The following CCNC variants were observed in gnomAD, a reference collection of about 807,000 sequenced individuals.
The protein encoded by CCNC is cyclin-C.
A neutral mutation model predicts 50.0 loss-of-function variants in CCNC; 19 were observed. The observed-to-expected ratio is 0.38, with a 90% CI of 0.27 to 0.56. CCNC has a LOEUF of 0.56. Ranked by LOEUF, CCNC falls within the 20% of genes least tolerant of loss-of-function variation. The probability of loss-of-function intolerance (pLI) is 0.72; values close to 1 mark genes in which losing one functional copy is unlikely to be tolerated. For synonymous variants in CCNC, 93 were observed against 103.7 expected, an observed-to-expected ratio of 0.90 and a Z score of 0.63; for missense variants, 200 against 327.1, an observed-to-expected ratio of 0.61 and a Z score of 3.00.
At chr6:99,560,837 G>C (rs766366732) in intron 4 of CCNC, among the ~76,000 whole-genome samples, 3 of 152,144 alleles carry the variant, frequency 2.0e-5, no homozygotes, top group Non-Finnish European at 4.4e-5. Flanking sequence ...TTCTGGCTTG[G>C]TAGGCAGCCA....
Position 99,545,198 on chromosome 6 carries a change from T to G in CCNC, c.711A>C (p.Leu237=), listed in dbSNP as rs569591961. The G allele has an allele frequency of 5.4e-5, 86 of 1,603,448 alleles. 1 individual carries two copies. In the South Asian group the frequency reaches 8.7e-4, roughly 16 times the overall value. The change falls in exon 11 of 12, where the codon CTA becomes CTC. Residue 237 remains leucine (L), a synonymous_variant. Coordinates refer to ENST00000520429, the MANE Select transcript of CCNC (RefSeq NM_005190.4). ...CATCGAAATTCTTCCACTGCTCATA[T>G]AGTTTTAAAATAACCCTGATTATTT... The part of the protein sequence containing the change: ...ILEIIRVILK[L]YEQWKNFDER...
chr6:99,552,863 G>A (rs1802358812), intron 5 of CCNC, among the ~76,000 whole-genome samples: 2 of 152,100 alleles, frequency 1.3e-5, no homozygotes, highest in Non-Finnish European at 2.9e-5. Context: ...ACAACATGGT[G>A]AAACCCCATC....
intron 5 of CCNC, among the ~76,000 whole-genome samples, chr6:99,556,429 C>G (rs2114344029): frequency 6.6e-6 from 1 of 152,288 alleles, no homozygotes; most frequent in East Asian, 1.9e-4. Context: ...CAAAATTTGT[C>G]TAATTCTACC....
chr6:99,567,959 A>G (rs764237693), intron 1 of CCNC: 19 of 153,650 alleles, frequency 1.2e-4, no homozygotes, highest in Non-Finnish European at 2.8e-4. Context: ...TTATCAATAT[A>G]AAACTCCATC....
Position 99,556,836 on chromosome 6 carries a change from G to A in CCNC, c.346+1661C>T, listed in dbSNP as rs947562131. On this transcript the variant is annotated intron_variant, in intron 5 of 11. Coordinates refer to ENST00000520429, the MANE Select transcript of CCNC (RefSeq NM_005190.4). The stretch of plus-strand genomic sequence containing the variant: ...CCAGGGAGGATGAGGCAGGAGAATC[G>A]CTTGAACCTGGGAGGCAGAGGTTGC... 1.2e-4 allele frequency among the ~76,000 whole-genome samples: 18 copies of A among 152,266 alleles called. No homozygotes were observed. The South Asian group carries it at 3.3e-3, about 28-fold the overall frequency.
Position 99,545,100 on chromosome 6 carries a change from T to C in CCNC, c.797+12A>G. 2 of 1,262,964 alleles carry C rather than the reference T, an allele frequency of 1.6e-6. No individual in the cohort carries two copies. Among genetic ancestry groups the C allele is most frequent in the South Asian group, 2.4e-5 (2 of 82,672 alleles). 78.2% of individuals were successfully genotyped at this position (1,262,964 alleles called of 1,614,324 possible). A position where few individuals can be genotyped will look rare whatever the true frequency, so the allele number is the denominator to read the frequency against. ...GATTAAATGACATCAATAATTAAAGTCTACAAAGTACCTGTTTGGAGGTGG... is the reference window on the plus strand; with the variant it reads ...GATTAAATGACATCAATAATTAAAGCCTACAAAGTACCTGTTTGGAGGTGG... On this transcript the variant is annotated intron_variant, in intron 11 of 11. Transcript: ENST00000520429.
chr6:99,557,444 T>A (rs916148363), intron 5 of CCNC: 1 of 152,164 alleles, frequency 6.6e-6, no homozygotes, highest in Non-Finnish European at 1.5e-5. Flanking sequence ...ATTCGTATGT[T>A]GAAGCCCTAA....
In CCNC at chr6:99,549,661, A is replaced by G. The variant is rs1032632645; in HGVS notation, c.531-86T>C. 9 of 811,188 alleles carry G rather than the reference A, an allele frequency of 1.1e-5. No individual in the cohort carries two copies. The African/African-American group carries it at 1.5e-4, about 14-fold the overall frequency. The allele number at this position is 811,188 out of a possible 1,614,324, so 50.2% of individuals were successfully genotyped here. On this transcript the variant is annotated intron_variant, in intron 8 of 11. Transcript: ENST00000520429. ...TCCTCCAGAGAGGGCCAGATTTCCC[A>G]TCTTTGCACACATTTATTTCCTTTT...
intron 5 of CCNC, among the ~76,000 whole-genome samples, chr6:99,552,492 A>G (rs1802342238): frequency 6.6e-6 from 1 of 152,170 alleles, no homozygotes; most frequent in South Asian, 2.1e-4. Flanking sequence ...AGTAACACAT[A>G]AAGTTAGTAC....
rs1339407568 is a variant in CCNC at position 99,549,305 on chromosome 6, A to C, written c.598+203T>G. 6 of 624,606 alleles carry C rather than the reference A, an allele frequency of 9.6e-6. No homozygotes were observed. In the East Asian group the frequency reaches 1.7e-4, roughly 18 times the overall value. The allele number at this position is 624,606 out of a possible 1,614,324, so 38.7% of individuals were successfully genotyped here. A position where few individuals can be genotyped will look rare whatever the true frequency, so the allele number is the denominator to read the frequency against. On this transcript the variant is annotated intron_variant, in intron 9 of 11. Transcript: ENST00000520429. ...AATGGTTTCAAAAAAAAAAAAAAAA[A>C]ACTTACCAAAAAGGGGGTGGGGGAA...
At chr6:99,546,570 A>C in intron 9 of CCNC, 96 bp from the exon 10 acceptor site, 1 of 786,050 alleles carries the variant, frequency 1.3e-6, no homozygotes, top group Admixed American at 2.1e-5. Flanking sequence ...TGTATTTTCC[A>C]ACACTCTTTA....
At chr6:99,562,692 G>T in intron 2 of CCNC, 150 bp downstream of exon 2, 1 of 553,814 alleles carries the variant, frequency 1.8e-6, no homozygotes, top group East Asian at 3.1e-5. Context: ...TCACTAAAAA[G>T]AAAGATAAAT....
At chr6:99,548,802 CAAAAAAA>C (rs71021744) in intron 9 of CCNC, among the ~76,000 whole-genome samples, 1 of 106,558 alleles carries the variant, frequency 9.4e-6, no homozygotes, top group Non-Finnish European at 1.9e-5. Flanking sequence ...GACTCCATCT[CAAAAAAA>C]AAAAAAAAAA....
In CCNC at chr6:99,550,256, C is replaced by T; in HGVS notation, c.492G>A (p.Gln164=). 2 of 1,613,198 alleles carry T rather than the reference C, an allele frequency of 1.2e-6. No individual in the cohort carries two copies. Among genetic ancestry groups the T allele is most frequent in the Non-Finnish European group, 1.7e-6 (2 of 1,179,498 alleles). ...GCAACATGTCTTCTTGGCCCATGTC[C>T]TGCACATACTGGAGCAAAGGTCTAT... ...HPYRPLLQYV[Q]DMGQEDMLLP... The change falls in exon 8 of 12, where the codon CAG becomes CAA. Residue 164 remains glutamine, a synonymous_variant. Coordinates refer to ENST00000520429, the MANE Select transcript of CCNC (RefSeq NM_005190.4).
intron 11 of CCNC, chr6:99,544,402 A>T: frequency 1.3e-6 from 1 of 753,208 alleles, no homozygotes; most frequent in Non-Finnish European, 2.0e-6. Context: ...ATCTTGTTAT[A>T]TAACAATCAT....
Position 99,549,064 on chromosome 6 carries a change from C to G in CCNC, c.598+444G>C, listed in dbSNP as rs544416759. Among the ~76,000 whole-genome samples, 19 of 152,142 alleles carry G rather than the reference C, an allele frequency of 1.2e-4. No homozygotes were observed. In the South Asian group the frequency reaches 3.5e-3, roughly 28 times the overall value. On this transcript the variant is annotated intron_variant, in intron 9 of 11. Coordinates refer to ENST00000520429, the MANE Select transcript of CCNC (RefSeq NM_005190.4). ...CCACCCATTACAGCACTGCTTTCCA[C>G]AGACTGTAGAATGAATGTACTTAAC...
Position 99,543,610 on chromosome 6 carries a change from C to G in CCNC, c.798-1G>C. On this transcript the variant is annotated splice_acceptor_variant, in intron 11 of 11. Transcript: ENST00000520429. LOFTEE classifies it high-confidence loss of function. ...TCCATTTGGACCCTGCTCTCCTTCA[C>G]TGTTCAAATGGGGAAGAAAGAGATT... The G allele has an allele frequency of 6.2e-7, 1 of 1,613,128 alleles. No homozygotes were observed. The highest frequency in any genetic ancestry group is 8.5e-7 in the Non-Finnish European group (1 of 1,179,384).
intron 5 of CCNC, chr6:99,557,938 C>T (rs1342903097): frequency 2.6e-5 from 4 of 152,764 alleles, no homozygotes; most frequent in Non-Finnish European, 5.8e-5. Context: ...TAAGAATAGC[C>T]AGACACCTTG....
chr6:99,559,639 T>C, intron 4 of CCNC, among the ~76,000 whole-genome samples: 1 of 117,658 alleles, frequency 8.5e-6, no homozygotes, highest in East Asian at 2.9e-4. Flanking sequence ...ACAGAAAGAT[T>C]TGGTCACAGA....
Sources: gnomAD v4.1 joint callset for allele counts (sites outside exome capture counted in the v4.1 genomes callset) on GRCh38, gnomAD v4.1.1 for gene constraint, MANE v1.5 for transcripts, NCBI Gene and HGNC (gene_info 2026-07-23, HGNC 2026-07-21) for gene names.